ZC3H14: variants seen among roughly 807,000 people sequenced by gnomAD.
ZC3H14 encodes the protein zinc finger CCCH domain-containing protein 14.
Under a neutral mutation model 92.4 loss-of-function variants are expected in ZC3H14, and 31 were observed. The observed-to-expected ratio is 0.34, with a 90% CI of 0.25 to 0.45. The LOEUF (loss-of-function observed/expected upper bound fraction) is 0.45, where lower values mean the gene tolerates loss of function less well. ZC3H14 is among the 20% of genes least tolerant of loss of function. The pLI is 1.00. For missense variants in ZC3H14, 781 were observed against 897.3 expected (o/e 0.87, Z 1.66); for synonymous variants, 321 against 300.9 (o/e 1.07, Z -0.69).
chr14:88,567,915 A>C (rs763301681), intron 2 of ZC3H14, 124 bp from the exon 3 acceptor site: 1 of 781,946 alleles, frequency 1.3e-6, no homozygotes, highest in African/African-American at 1.7e-5. Context: ...ATCTTGTCCA[A>C]TGTAATTCCA....
At chr14:88,563,739 A>C (rs747493565) in intron 2 of ZC3H14, 46 bp downstream of exon 2, 1 of 1,576,752 alleles carries the variant, frequency 6.3e-7, no homozygotes, top group Non-Finnish European at 8.7e-7. Context: ...TAGAGTTTGC[A>C]GCTAATAGAA....
At chr14:88,604,031 T>C (rs2084993093) in intron 12 of ZC3H14, among the ~76,000 whole-genome samples, 1 of 152,320 alleles carries the variant, frequency 6.6e-6, no homozygotes, top group Admixed American at 6.5e-5. Context: ...GAAGAAAAAC[T>C]TAAAAAATAG....
At position 88,614,323 on chromosome 14, in the gene ZC3H14, C is replaced by A. The variant is rs1360912638; in HGVS notation, c.*2572C>A. ...CCACTGATGAACAAGTACCAACTTA[C>A]GTTTCAAGCTTCTTAGCCCCATAAT... On this transcript the variant is annotated 3_prime_UTR_variant, in exon 17 of 17. Transcript: ENST00000251038. 2 of 152,178 alleles carry A rather than the reference C, an allele frequency of 1.3e-5. No individual in the cohort carries two copies. Among genetic ancestry groups the A allele is most frequent in the Non-Finnish European group, 2.9e-5 (2 of 68,012 alleles). 9.4% of individuals were successfully genotyped at this position (152,178 alleles called of 1,614,324 possible).
chr14:88,610,755 C>T, intron 15 of ZC3H14, 79 bp from the exon 16 acceptor site: 1 of 1,375,104 alleles, frequency 7.3e-7, no homozygotes. Context: ...AGAGTGAGAC[C>T]CTGTCTCAAA....
At chr14:88,611,432 A>T (rs997114436) in intron 16 of ZC3H14, among the ~76,000 whole-genome samples, 1 of 152,196 alleles carries the variant, frequency 6.6e-6, no homozygotes, top group Non-Finnish European at 1.5e-5. Context: ...GCAAACATAT[A>T]CTAAGGCCAG....
intron 9 of ZC3H14, chr14:88,591,671 A>T (rs947937791): frequency 6.6e-6 from 1 of 152,234 alleles, no homozygotes; most frequent in Non-Finnish European, 1.5e-5. Context: ...AACTGCACTT[A>T]AAAGTTTGAT....
Position 88,622,647 on chromosome 14 carries a change from G to A in ZC3H14, c.*10896G>A. ...ACGAACACAATCTGTGGCTTGTCCT[G>A]TCTCAAGCCTGAAGGCACGGCACCG... On this transcript the variant is annotated 3_prime_UTR_variant, in exon 17 of 17. Transcript: ENST00000251038. The A allele has an allele frequency of 1.2e-6, 2 of 1,611,416 alleles. No homozygotes were observed. Among genetic ancestry groups the A allele is most frequent in the Non-Finnish European group, 1.7e-6 (2 of 1,178,720 alleles).
At chr14:88,611,037 T>C in intron 16 of ZC3H14, 97 bp downstream of exon 16, 2 of 1,201,936 alleles carry the variant, frequency 1.7e-6, no homozygotes, top group Non-Finnish European at 2.4e-6. Context: ...GAAACTAGAC[T>C]GTTACTTTGA....
chr14:88,618,061 T>C lies in ZC3H14; in HGVS notation c.*6310T>C, dbSNP rs756922441. On this transcript the variant is annotated 3_prime_UTR_variant, in exon 17 of 17. Coordinates refer to ENST00000251038, the MANE Select transcript of ZC3H14 (RefSeq NM_024824.5). ...GAAACTGATAAAACATGGAAATATA[T>C]TCAATAAAAAGGGGTCCCAACATGA... 12 of 438,804 alleles carry C rather than the reference T, an allele frequency of 2.7e-5. No homozygotes were observed. Among genetic ancestry groups the C allele is most frequent in the Non-Finnish European group, 4.8e-5 (12 of 251,132 alleles). The allele number at this position is 438,804 out of a possible 1,614,324, so 27.2% of individuals were successfully genotyped here.
In ZC3H14 at chr14:88,621,819, G is replaced by A. The variant is rs895049424; in HGVS notation, c.*10068G>A. 4 of 447,718 alleles carry A rather than the reference G, an allele frequency of 8.9e-6. No individual in the cohort carries two copies. Among genetic ancestry groups the A allele is most frequent in the Admixed American group, 4.9e-5 (2 of 41,018 alleles). The allele number at this position is 447,718 out of a possible 1,614,324, so 27.7% of individuals were successfully genotyped here. A position where few individuals can be genotyped will look rare whatever the true frequency, so the allele number is the denominator to read the frequency against. On this transcript the variant is annotated 3_prime_UTR_variant, in exon 17 of 17. Coordinates refer to ENST00000251038, the MANE Select transcript of ZC3H14 (RefSeq NM_024824.5). ...GACACATAATTATACATATCTATAG[G>A]GCATAGGGTAATACGCATAACCATC...
intron 12 of ZC3H14, 144 bp from the exon 13 acceptor site, chr14:88,607,099 T>C: frequency 7.9e-7 from 1 of 1,266,462 alleles, no homozygotes; most frequent in Non-Finnish European, 1.1e-6. Context: ...CCAGTGTTAA[T>C]CCCATAATTT....
intron 9 of ZC3H14, among the ~76,000 whole-genome samples, chr14:88,578,344 G>A (rs989132808): frequency 1.1e-4 from 16 of 152,044 alleles, no homozygotes; most frequent in Non-Finnish European, 2.1e-4. Context: ...GTCTTGCTGT[G>A]TTGCCCAGGC....
At position 88,625,978 on chromosome 14, in the gene ZC3H14, A is replaced by G. The variant is rs780168323; in HGVS notation, c.*14227A>G. 6.6e-6 allele frequency: 1 copy of G among 152,196 alleles called. No homozygotes were observed. The highest frequency in any genetic ancestry group is 1.5e-5 in the Non-Finnish European group (1 of 68,034). 9.4% of individuals were successfully genotyped at this position (152,196 alleles called of 1,614,324 possible). On this transcript the variant is annotated 3_prime_UTR_variant, in exon 17 of 17. Coordinates refer to ENST00000251038, the MANE Select transcript of ZC3H14 (RefSeq NM_024824.5). ...AAGCCACAGGTCCAGATGAGATGGA[A>G]TAAAGTGAGAGGAGAGCAGGTCTCC...
rs1197008450 is a variant in ZC3H14 at position 88,621,412 on chromosome 14, G to A, written c.*9661G>A. On this transcript the variant is annotated 3_prime_UTR_variant, in exon 17 of 17. Transcript: ENST00000251038. ...GCTTTCAGAGAACTTTTTGCTTTGAGCTAATCTAGTAGCAAGGCAGTCATT... is the reference window on the plus strand; with the variant it reads ...GCTTTCAGAGAACTTTTTGCTTTGAACTAATCTAGTAGCAAGGCAGTCATT... 4.7e-6 allele frequency: 6 copies of A among 1,289,120 alleles called. No individual in the cohort carries two copies. Among genetic ancestry groups the A allele is most frequent in the Non-Finnish European group, 5.5e-6 (5 of 909,284 alleles). The allele number at this position is 1,289,120 out of a possible 1,614,324, so 79.9% of individuals were successfully genotyped here.
intron 9 of ZC3H14, among the ~76,000 whole-genome samples, chr14:88,579,573 A>G (rs1566919741): frequency 6.6e-6 from 1 of 152,222 alleles, no homozygotes; most frequent in Non-Finnish European, 1.5e-5. Context: ...GGAAACAGAC[A>G]ATAGAGAAAA....
chr14:88,577,383 CTT>C (rs1414090298), intron 8 of ZC3H14, among the ~76,000 whole-genome samples: 1 of 152,008 alleles, frequency 6.6e-6, no homozygotes, highest in East Asian at 1.9e-4. Flanking sequence ...TGAAGCTAAG[CTT>C]AAATAAACCG....
rs1385019850 is a variant in ZC3H14, at chr14:88,583,111, A to G, written c.1279+4971A>G. Among the ~76,000 whole-genome samples the G allele has an allele frequency of 1.1e-4, 11 of 98,824 alleles. No homozygotes were observed. In the East Asian group the frequency reaches 2.7e-3, roughly 24 times the overall value. 64.8% of individuals were successfully genotyped at this position (98,824 alleles called of 152,430 possible). ...TTTTTTTTTGGTGTTTTTGTTTTCT[A>G]TTTCATTGACTTGTGCTTTTTTTTT... On this transcript the variant is annotated intron_variant, in intron 9 of 16. Coordinates refer to ENST00000251038, the MANE Select transcript of ZC3H14 (RefSeq NM_024824.5).
chr14:88,564,893 C>T (rs762330363), intron 2 of ZC3H14, among the ~76,000 whole-genome samples: 8 of 152,180 alleles, frequency 5.3e-5, no homozygotes, highest in Non-Finnish European at 1.0e-4. Flanking sequence ...AGCTAGCCAC[C>T]TCTTTCAGGG....
At chr14:88,609,526 C>T in intron 14 of ZC3H14, 123 bp downstream of exon 14, 3 of 1,496,364 alleles carry the variant, frequency 2.0e-6, no homozygotes, top group South Asian at 2.3e-5. Flanking sequence ...TCAGTTAATC[C>T]AACCAGTCTT....
Sources: allele counts gnomAD v4.1 joint callset (sites outside exome capture counted in the v4.1 genomes callset), GRCh38; gene constraint gnomAD v4.1.1; transcripts MANE v1.5; gene names NCBI Gene and HGNC (gene_info 2026-07-23, HGNC 2026-07-21).